Variants in CTNNA3 observed in about 807,000 individuals in gnomAD.
CTNNA3 encodes catenin alpha-3.
CTNNA3 carries 76 observed loss-of-function variants against 95.7 expected under a neutral mutation model. The ratio of observed to expected loss-of-function variants is 0.79; its 90% confidence interval spans 0.66 to 0.96. CTNNA3 has a LOEUF of 0.96. CTNNA3 is among the 40% of genes least tolerant of loss of function. The pLI, the probability that CTNNA3 is intolerant of heterozygous loss-of-function variation, is 0.00. For missense variants in CTNNA3, 1,191 were observed against 1,089.8 expected, an observed-to-expected ratio of 1.09 and a Z score of -1.31; for synonymous variants, 431 against 374.4, an observed-to-expected ratio of 1.15 and a Z score of -1.74.
At chr10:67,413,537 G>A (rs376666724) in intron 5 of CTNNA3, among the ~76,000 whole-genome samples, 1 of 151,970 alleles carries the variant, frequency 6.6e-6, no homozygotes, top group East Asian at 1.9e-4. Context: ...GATCATCAAA[G>A]CACAAAACTA....
At chr10:67,289,751 GATGGATGA>G (rs1036067150) in intron 5 of CTNNA3, among the ~76,000 whole-genome samples, 1 of 151,338 alleles carries the variant, frequency 6.6e-6, no homozygotes, top group African/African-American at 2.5e-5. Flanking sequence ...ACAAAGGAAG[GATGGATGA>G]ATGGATGGAT....
intron 14 of CTNNA3, among the ~76,000 whole-genome samples, chr10:66,088,503 G>GTA (rs1459593574): frequency 1.3e-5 from 2 of 150,416 alleles, no homozygotes; most frequent in Non-Finnish European, 3.0e-5. Context: ...GTGTGTGTGT[G>GTA]TGTGTGTGTG....
intron 14 of CTNNA3, among the ~76,000 whole-genome samples, chr10:66,084,273 A>G (rs935901258): frequency 6.6e-6 from 1 of 152,164 alleles, no homozygotes; most frequent in African/African-American, 2.4e-5. Flanking sequence ...TCAGAATGCT[A>G]CAGAAAAGTA....
intron 9 of CTNNA3, among the ~76,000 whole-genome samples, chr10:66,638,945 G>GT (rs906655425): frequency 7.8e-4 from 116 of 147,858 alleles, no homozygotes; most frequent in African/African-American, 2.3e-3. Flanking sequence ...CAAACAATAT[G>GT]TTTTTTTTAA....
At chr10:66,154,637 T>G (rs867942929) in intron 13 of CTNNA3, among the ~76,000 whole-genome samples, 1 of 148,114 alleles carries the variant, frequency 6.8e-6, no homozygotes, top group African/African-American at 2.5e-5. Context: ...CAAAGGCAAG[T>G]GATAGTATAT....
chr10:67,445,565 TA>T (rs1295954698), intron 5 of CTNNA3, among the ~76,000 whole-genome samples: 1 of 152,126 alleles, frequency 6.6e-6, no homozygotes, highest in Non-Finnish European at 1.5e-5. Flanking sequence ...CCTCATGACC[TA>T]ATCACCTCCT....
chr10:66,381,580 A>T (rs1255215306), intron 11 of CTNNA3, among the ~76,000 whole-genome samples: 2 of 152,194 alleles, frequency 1.3e-5, no homozygotes, highest in East Asian at 3.9e-4. Flanking sequence ...GAATGAATGA[A>T]TGAAGCTCTC....
intron 5 of CTNNA3, among the ~76,000 whole-genome samples, chr10:67,478,405 G>A (rs555701900): frequency 3.3e-5 from 5 of 152,230 alleles, no homozygotes; most frequent in African/African-American, 1.2e-4. Flanking sequence ...ATCACATAAA[G>A]GGGAATCCCA....
At chr10:66,598,924 C>T (rs1843819342) in intron 10 of CTNNA3, among the ~76,000 whole-genome samples, 2 of 151,790 alleles carry the variant, frequency 1.3e-5, no homozygotes, top group Non-Finnish European at 2.9e-5. Context: ...ACAAAATACA[C>T]CAAATAACCA....
At chr10:66,401,942 G>A (rs935205727) in intron 11 of CTNNA3, among the ~76,000 whole-genome samples, 1 of 152,062 alleles carries the variant, frequency 6.6e-6, no homozygotes, top group Non-Finnish European at 1.5e-5. Context: ...TTACAGGCAT[G>A]AGCCACCATA....
chr10:66,395,863 C>G (rs747014142), intron 11 of CTNNA3, among the ~76,000 whole-genome samples: 3 of 151,902 alleles, frequency 2.0e-5, no homozygotes, highest in African/African-American at 7.2e-5. Context: ...GAGGTTTGGG[C>G]TCCTAGCATA....
chr10:66,454,977 G>T (rs1163574427), intron 11 of CTNNA3, among the ~76,000 whole-genome samples: 9 of 152,090 alleles, frequency 5.9e-5, no homozygotes, highest in Admixed American at 1.3e-4. Flanking sequence ...CAATATTTTG[G>T]CATCAATGAA....
chr10:66,802,485 C>T (rs921394505), intron 7 of CTNNA3, among the ~76,000 whole-genome samples: 3 of 151,634 alleles, frequency 2.0e-5, no homozygotes, highest in Admixed American at 6.6e-5. Flanking sequence ...AAAGACTGAC[C>T]GTACCAAATG....
intron 5 of CTNNA3, among the ~76,000 whole-genome samples, chr10:67,458,694 C>G (rs1376150468): frequency 2.0e-5 from 3 of 152,096 alleles, no homozygotes; most frequent in Non-Finnish European, 2.9e-5. Context: ...ACCTGGCCAA[C>G]ATGACAAAAC....
chr10:66,736,091 C>T (rs546398803), intron 9 of CTNNA3, among the ~76,000 whole-genome samples: 42 of 152,322 alleles, frequency 2.8e-4, no homozygotes, highest in Non-Finnish European at 5.3e-4. Flanking sequence ...CCAACAACGA[C>T]CCAGCCTCTC....
intron 5 of CTNNA3, among the ~76,000 whole-genome samples, chr10:67,230,771 T>C (rs1382471566): frequency 6.6e-6 from 1 of 152,090 alleles, no homozygotes; most frequent in Admixed American, 6.5e-5. Flanking sequence ...ACAGGGTTCA[T>C]CTCACTAGGG....
At chr10:67,080,068 C>T (rs942983664) in intron 7 of CTNNA3, among the ~76,000 whole-genome samples, 4 of 152,100 alleles carry the variant, frequency 2.6e-5, no homozygotes, top group Non-Finnish European at 4.4e-5. Flanking sequence ...CTGCCTCTTG[C>T]TGGGATCCAA....
In CTNNA3 at chr10:67,065,737, G is replaced by A. The variant is rs1446356748; in HGVS notation, c.1047+114580C>T. On this transcript the variant is annotated intron_variant, in intron 7 of 17. Transcript: ENST00000433211. Reference sequence around the variant, plus strand: ...TAAAAAACTAAGCCACACGATAAAGGAGGCATATATGTGAATGACCAAATG... The same window carrying A: ...TAAAAAACTAAGCCACACGATAAAGAAGGCATATATGTGAATGACCAAATG... Among the ~76,000 whole-genome samples, 5 of 152,200 alleles carry A rather than the reference G, an allele frequency of 3.3e-5. No individual in the cohort carries two copies. In the East Asian group the frequency reaches 9.7e-4, roughly 29 times the overall value.
In CTNNA3 at chr10:66,103,205, G is replaced by A. The variant is rs147760277; in HGVS notation, c.1929C>T (p.His643=). ...GAATGCTGGTGTGACTGCGGACCTC[G>A]TGTTCCTCTTCAAGGTCAGAAACAT... ...LEDVSDLEEE[H]EVRSHTSIQT... The change falls in exon 14 of 18, where the codon CAC becomes CAT. Residue 643 remains histidine (H), a synonymous_variant. Coordinates refer to ENST00000433211, the MANE Select transcript of CTNNA3 (RefSeq NM_013266.4). 9.9e-4 allele frequency: 1,592 copies of A among 1,614,088 alleles called. 1 individual carries two copies. The highest frequency in any genetic ancestry group is 1.3e-3 in the Non-Finnish European group (1,520 of 1,179,970).
Sources: allele counts gnomAD v4.1 joint callset (sites outside exome capture counted in the v4.1 genomes callset), GRCh38; gene constraint gnomAD v4.1.1; transcripts MANE v1.5; gene names NCBI Gene and HGNC (gene_info 2026-07-23, HGNC 2026-07-21).